Variants in MME observed in about 807,000 individuals in gnomAD.
MME encodes neprilysin.
MME carries 98 observed loss-of-function variants against 113.2 expected under a neutral mutation model. The observed-to-expected ratio is 0.87, with a 90% CI of 0.74 to 1.02. The LOEUF (loss-of-function observed/expected upper bound fraction) is 1.02, where lower values mean the gene tolerates loss of function less well. Ranked by LOEUF, MME falls within the 50% of genes least tolerant of loss-of-function variation. The pLI, the probability that MME is intolerant of heterozygous loss-of-function variation, is 0.00. For missense variants in MME, 836 were observed against 896.0 expected (o/e 0.93, Z 0.86); for synonymous variants, 292 against 300.6 (o/e 0.97, Z 0.30).
intron 3 of MME, among the ~76,000 whole-genome samples, chr3:155,109,715 C>G (rs1424391045): frequency 2.6e-5 from 4 of 152,192 alleles, no homozygotes; most frequent in Non-Finnish European, 4.4e-5. Flanking sequence ...TCCAAAGATT[C>G]TGACTGAATT....
chr3:155,117,823 G>T (rs1389627278), intron 7 of MME, among the ~76,000 whole-genome samples: 1 of 152,042 alleles, frequency 6.6e-6, no homozygotes, highest in East Asian at 1.9e-4. Context: ...AAGGATCAGG[G>T]CCCTTCATGT....
chr3:155,139,015 C>T (rs1720856733), intron 9 of MME, among the ~76,000 whole-genome samples: 1 of 152,060 alleles, frequency 6.6e-6, no homozygotes, highest in Non-Finnish European at 1.5e-5. Context: ...CTAAGCTCAT[C>T]AGAATCTTGA....
chr3:155,118,616 A>G (rs1416813585), intron 7 of MME, 130 bp from the exon 8 acceptor site: 1 of 676,804 alleles, frequency 1.5e-6, no homozygotes, highest in Non-Finnish European at 2.7e-6. Context: ...GTATTTATTG[A>G]GTGTCTGATG....
chr3:155,166,958 T>A lies in MME; in HGVS notation c.1717T>A (p.Leu573Met). The A allele has an allele frequency of 6.2e-7, 1 of 1,613,730 alleles. No individual in the cohort carries two copies. Among genetic ancestry groups the A allele is most frequent in the Non-Finnish European group, 8.5e-7 (1 of 1,179,774 alleles). The change falls in exon 18 of 23, where the codon TTG becomes ATG. Residue 573 changes from leucine to methionine, a missense_variant. By Grantham distance (15) the Leu-to-Met change is conservative. Coordinates refer to ENST00000360490, the MANE Select transcript of MME (RefSeq NM_007289.4). ...PFFSAQQSNS[L>M]NYGGIGMVIG... ...CTTTAGTGCCCAGCAGTCCAACTCATTGAACTATGGGGGCATCGGCATGGT... is the reference window on the plus strand; with the variant it reads ...CTTTAGTGCCCAGCAGTCCAACTCAATGAACTATGGGGGCATCGGCATGGT...
At chr3:155,073,067 G>A (rs1447145676) in intron 1 of MME, among the ~76,000 whole-genome samples, 1 of 152,126 alleles carries the variant, frequency 6.6e-6, no homozygotes, top group East Asian at 1.9e-4. Flanking sequence ...ATCACTACCG[G>A]TTTCCAACAA....
chr3:155,111,645 G>T (rs982834838), intron 3 of MME, among the ~76,000 whole-genome samples: 1 of 152,070 alleles, frequency 6.6e-6, no homozygotes, highest in African/African-American at 2.4e-5. Flanking sequence ...AGGACCGGTG[G>T]TATTTCCAAA....
intron 1 of MME, among the ~76,000 whole-genome samples, chr3:155,061,481 A>ATTATTCAT (rs1397503608): frequency 3.3e-5 from 5 of 151,334 alleles, no homozygotes; most frequent in Non-Finnish European, 1.5e-5. Flanking sequence ...GGTATCAAGC[A>ATTATTCAT]TTATTCATTC....
Position 155,143,482 on chromosome 3 carries a change from CGTT to C in MME, c.1231_1233del (p.Cys411del). 3 of 1,612,622 alleles carry C rather than the reference CGTT, an allele frequency of 1.9e-6. No individual in the cohort carries two copies. The highest frequency in any genetic ancestry group is 2.2e-5 in the East Asian group (1 of 44,826). Reference sequence around the variant, plus strand: ...AACCTCAGAAACAGCAACTTGGAGACGTTGTGCAAACTATGTCAATGGGAATAT... The same window carrying C: ...AACCTCAGAAACAGCAACTTGGAGACGTGCAAACTATGTCAATGGGAATAT... On this transcript the variant is annotated inframe_deletion, in exon 13 of 23. Transcript: ENST00000360490.
At chr3:155,063,394 A>G (rs1449657041) in intron 1 of MME, among the ~76,000 whole-genome samples, 3 of 109,568 alleles carry the variant, frequency 2.7e-5, no homozygotes, top group African/African-American at 1.1e-4. Context: ...TATATTTCAT[A>G]TATATTTTAT....
chr3:155,116,610 G>C (rs765228831), intron 5 of MME, 51 bp downstream of exon 5: 1 of 1,036,648 alleles, frequency 9.6e-7, no homozygotes, highest in Non-Finnish European at 1.4e-6. Context: ...ATATATATTG[G>C]TGCCAAACTA....
chr3:155,166,534 A>C (rs1259405748), intron 17 of MME, among the ~76,000 whole-genome samples: 1 of 152,184 alleles, frequency 6.6e-6, no homozygotes, highest in Non-Finnish European at 1.5e-5. Flanking sequence ...TTCTGAATGA[A>C]GGTTATAACT....
At chr3:155,036,921 G>A (rs1713147918) in intron 1 of MME, among the ~76,000 whole-genome samples, 1 of 152,054 alleles carries the variant, frequency 6.6e-6, no homozygotes. Context: ...TTTTGTATAT[G>A]GTGTGAAGCT....
intron 8 of MME, among the ~76,000 whole-genome samples, chr3:155,131,783 G>A (rs1257685144): frequency 6.6e-6 from 1 of 152,134 alleles, no homozygotes; most frequent in Non-Finnish European, 1.5e-5. Context: ...AAATGGCTGT[G>A]TGACTATATG....
At chr3:155,042,451 A>C (rs1043953986) in intron 1 of MME, among the ~76,000 whole-genome samples, 1 of 152,148 alleles carries the variant, frequency 6.6e-6, no homozygotes. Flanking sequence ...TAGATCCATC[A>C]GGGAGTAGAA....
chr3:155,145,245 T>C (rs1721413665), intron 14 of MME, among the ~76,000 whole-genome samples: 1 of 152,136 alleles, frequency 6.6e-6, no homozygotes, highest in Admixed American at 6.6e-5. Flanking sequence ...GTGCATGACA[T>C]GGCTCTGCTT....
intron 1 of MME, among the ~76,000 whole-genome samples, chr3:155,030,959 G>T (rs1712950330): frequency 6.6e-6 from 1 of 152,170 alleles, no homozygotes; most frequent in South Asian, 2.1e-4. Flanking sequence ...AAACAAATAA[G>T]ACTGGTTCCC....
chr3:155,130,806 C>T (rs978318205), intron 8 of MME, among the ~76,000 whole-genome samples: 2 of 151,984 alleles, frequency 1.3e-5, no homozygotes, highest in Non-Finnish European at 2.9e-5. Flanking sequence ...ATAGAAGTTC[C>T]GAGGAAATAG....
At chr3:155,068,907 G>A (rs1714468432) in intron 1 of MME, among the ~76,000 whole-genome samples, 2 of 152,140 alleles carry the variant, frequency 1.3e-5, no homozygotes, top group African/African-American at 4.8e-5. Flanking sequence ...ATAAAGTGTA[G>A]GGAAAAAGAT....
intron 3 of MME, chr3:155,090,338 C>T (rs1716180938): frequency 6.6e-6 from 1 of 152,012 alleles, no homozygotes; most frequent in African/African-American, 2.4e-5. Context: ...CACAGCGGTC[C>T]CCTTCTTATC....
Sources: gnomAD v4.1 joint callset for allele counts (sites outside exome capture counted in the v4.1 genomes callset) on GRCh38, gnomAD v4.1.1 for gene constraint, MANE v1.5 for transcripts, NCBI Gene and HGNC (gene_info 2026-07-23, HGNC 2026-07-21) for gene names.